The following EIF4E2 variants were observed in gnomAD, a reference collection of about 807,000 sequenced individuals.
EIF4E2 encodes eukaryotic translation initiation factor 4E family member 2, also known as eukaryotic translation initiation factor 4E type 2.
A neutral mutation model predicts 34.2 loss-of-function variants in EIF4E2; 13 were observed. The ratio of observed to expected loss-of-function variants is 0.38; its 90% CI spans 0.25 to 0.60. The LOEUF is 0.60. Among genes scored for constraint, EIF4E2 ranks in the 20% least tolerant of loss-of-function variants. The pLI, the probability that EIF4E2 is intolerant of heterozygous loss-of-function variation, is 0.62. For synonymous variants in EIF4E2, 100 were observed against 106.6 expected (o/e 0.94, Z 0.38); for missense variants, 222 against 315.1 (o/e 0.70, Z 2.24).
chr2:232,550,997 G>A (rs1692290747), intron 1 of EIF4E2: 2 of 614,586 alleles, frequency 3.3e-6, no homozygotes, highest in Non-Finnish European at 5.8e-6. Flanking sequence ...TGTGCCGCCC[G>A]GTAGGGGGAG....
intron 6 of EIF4E2, among the ~76,000 whole-genome samples, chr2:232,578,847 T>C (rs1459525972): frequency 2.6e-5 from 4 of 152,184 alleles, no homozygotes; most frequent in South Asian, 4.1e-4. Flanking sequence ...TACTCCAAGA[T>C]AGATAATTGC....
At chr2:232,554,392 C>T (rs1692449228) in intron 1 of EIF4E2, among the ~76,000 whole-genome samples, 1 of 152,116 alleles carries the variant, frequency 6.6e-6, no homozygotes, top group Non-Finnish European at 1.5e-5. Flanking sequence ...GATATTGGGA[C>T]ATGTGAGCAG....
At chr2:232,552,504 C>A (rs1692376969) in intron 1 of EIF4E2, among the ~76,000 whole-genome samples, 1 of 152,222 alleles carries the variant, frequency 6.6e-6, no homozygotes, top group Non-Finnish European at 1.5e-5. Flanking sequence ...GCCACCACCC[C>A]CAGCCTCATA....
chr2:232,556,779 C>T (rs1337714721), intron 2 of EIF4E2, among the ~76,000 whole-genome samples: 1 of 152,190 alleles, frequency 6.6e-6, no homozygotes, highest in African/African-American at 2.4e-5. Flanking sequence ...GGAGATTAGT[C>T]CTGGAGCTTA....
At chr2:232,557,240 T>C (rs781716646) in intron 2 of EIF4E2, among the ~76,000 whole-genome samples, 10 of 152,150 alleles carry the variant, frequency 6.6e-5, no homozygotes, top group Non-Finnish European at 1.2e-4. Flanking sequence ...TGAGACTCCG[T>C]TTCAAAAAAA....
At chr2:232,555,701 G>A (rs1308148018) in intron 1 of EIF4E2, among the ~76,000 whole-genome samples, 1 of 152,104 alleles carries the variant, frequency 6.6e-6, no homozygotes, top group Non-Finnish European at 1.5e-5. Context: ...GACCGAAGGG[G>A]TGGTGTTTGC....
intron 1 of EIF4E2, 55 bp downstream of exon 1, chr2:232,550,799 C>T: frequency 4.7e-6 from 7 of 1,495,774 alleles, no homozygotes; most frequent in Non-Finnish European, 6.3e-6. Flanking sequence ...TCCCCCGCGC[C>T]CGCCCCCGCT....
Position 232,566,819 on chromosome 2 carries a change from C to G in EIF4E2, c.376-10C>G, listed in dbSNP as rs1692949701. The G allele has an allele frequency of 6.2e-6, 10 of 1,613,964 alleles. No individual in the cohort carries two copies. The highest frequency in any genetic ancestry group is 8.5e-6 in the Non-Finnish European group (10 of 1,179,990). On this transcript the variant is annotated splice_polypyrimidine_tract_variant and intron_variant, in intron 4 of 6. Coordinates refer to ENST00000258416, the MANE Select transcript of EIF4E2 (RefSeq NM_004846.4). This position sits in a 1 kb window ranked among gnomAD's most constrained non-coding sequence, Gnocchi z 4.9. Reference sequence around the variant, plus strand: ...ATATTTTAACTTCAGTGCTTTCTGTCTTTTTACAGGATGATGCAAATAAAA... The same window carrying G: ...ATATTTTAACTTCAGTGCTTTCTGTGTTTTTACAGGATGATGCAAATAAAA...
At chr2:232,567,033 G>T in intron 5 of EIF4E2, 45 bp from the exon 6 acceptor site, 1 of 1,600,262 alleles carries the variant, frequency 6.2e-7, no homozygotes, top group Non-Finnish European at 8.5e-7. Context: ...TGCTCTCCTC[G>T]CTGCCCCTGA....
At chr2:232,550,821 G>T in intron 1 of EIF4E2, 77 bp downstream of exon 1, 1 of 1,377,030 alleles carries the variant, frequency 7.3e-7, no homozygotes. Flanking sequence ...GGGCTGGGGC[G>T]GCGCAAACCC....
intron 3 of EIF4E2, among the ~76,000 whole-genome samples, chr2:232,562,628 G>T (rs1432138033): frequency 1.3e-5 from 2 of 152,170 alleles, no homozygotes; most frequent in South Asian, 2.1e-4. Context: ...CAGTGTAGTT[G>T]TAAGATTGGG....
intron 6 of EIF4E2, among the ~76,000 whole-genome samples, chr2:232,577,837 C>A (rs1693258976): frequency 6.6e-6 from 1 of 152,200 alleles, no homozygotes; most frequent in Non-Finnish European, 1.5e-5. Flanking sequence ...TGCTAGAGGG[C>A]TAGCTTTCAG....
intron 1 of EIF4E2, among the ~76,000 whole-genome samples, chr2:232,553,566 G>A (rs1692418886): frequency 6.6e-6 from 1 of 152,212 alleles, no homozygotes; most frequent in Admixed American, 6.5e-5. Flanking sequence ...TCTCAGTCTG[G>A]ACAGTCTCAG....
intron 3 of EIF4E2, among the ~76,000 whole-genome samples, chr2:232,562,440 G>A (rs1692756757): frequency 6.6e-6 from 1 of 152,008 alleles, no homozygotes; most frequent in Admixed American, 6.5e-5. Context: ...ACAAAAATTA[G>A]CCAGGCGTGG....
Position 232,569,060 on chromosome 2 carries a change from A to T in EIF4E2, c.*43A>T. On this transcript the variant is annotated 3_prime_UTR_variant, in exon 7 of 7. Transcript: ENST00000258416. ...TGGCACCATCATTGAAGCTGGCGTC[A>T]TCGGAGTCTCTTGTTCTGTTGGCGT... The T allele has an allele frequency of 2.5e-6, 4 of 1,608,516 alleles. No homozygotes were observed. The highest frequency in any genetic ancestry group is 2.5e-6 in the Non-Finnish European group (3 of 1,177,560).
rs77039737 is a variant in EIF4E2, at chr2:232,561,821, A to G, written c.271-2426A>G. ...CTCAACTATAAAACAAGTTGCTGACATGATTTCTGAGGTCCTTTCGGCACC... is the reference window on the plus strand; with the variant it reads ...CTCAACTATAAAACAAGTTGCTGACGTGATTTCTGAGGTCCTTTCGGCACC... On this transcript the variant is annotated intron_variant, in intron 3 of 6. Transcript: ENST00000258416. Among the ~76,000 whole-genome samples the G allele has an allele frequency of 8.3e-3, 1,263 of 152,110 alleles. 18 individuals are homozygous for G. Among genetic ancestry groups the G allele is most frequent in the African/African-American group, 0.029 (1,210 of 41,500 alleles).
chr2:232,561,485 T>G (rs535920589), intron 3 of EIF4E2, among the ~76,000 whole-genome samples: 1 of 152,222 alleles, frequency 6.6e-6, no homozygotes, highest in Non-Finnish European at 1.5e-5. Flanking sequence ...AGTCTGTCAT[T>G]TTGACTCTGT....
At chr2:232,567,459 G>C in intron 6 of EIF4E2, 1 of 1,300,976 alleles carries the variant, frequency 7.7e-7, no homozygotes, top group Non-Finnish European at 9.7e-7. Flanking sequence ...GTACTACCTG[G>C]GCTTGCTTAA....
chr2:232,564,371 G>A lies in EIF4E2; in HGVS notation c.375+20G>A, dbSNP rs1437323055. On this transcript the variant is annotated intron_variant, in intron 4 of 6. Coordinates refer to ENST00000258416, the MANE Select transcript of EIF4E2 (RefSeq NM_004846.4). Reference sequence around the variant, plus strand: ...TGGGAGGTAAGGACTAATGGCTTCTGACTGCTTTTTTGAGCAAGTTTGGGT... The same window carrying A: ...TGGGAGGTAAGGACTAATGGCTTCTAACTGCTTTTTTGAGCAAGTTTGGGT... The A allele has an allele frequency of 6.6e-6, 10 of 1,506,928 alleles. No individual in the cohort carries two copies. Among genetic ancestry groups the A allele is most frequent in the Non-Finnish European group, 6.3e-6 (7 of 1,107,644 alleles). 93.3% of individuals were successfully genotyped at this position (1,506,928 alleles called of 1,614,324 possible).
Sources: allele counts gnomAD v4.1 joint callset (sites outside exome capture counted in the v4.1 genomes callset), GRCh38; gene constraint gnomAD v4.1.1; non-coding constraint Gnocchi (gnomAD v3.1); transcripts MANE v1.5; gene names NCBI Gene and HGNC (gene_info 2026-07-23, HGNC 2026-07-21).